Variants in DLG2 observed in about 807,000 individuals in gnomAD.
DLG2 encodes the protein discs large MAGUK scaffold protein 2, also known as disks large homolog 2.
Under a neutral mutation model 132.5 loss-of-function variants are expected in DLG2, and 45 were observed. The ratio of observed to expected loss-of-function variants is 0.34; its 90% confidence interval spans 0.27 to 0.44. The LOEUF (loss-of-function observed/expected upper bound fraction) is 0.44. Among genes scored for constraint, DLG2 ranks in the 20% least tolerant of loss-of-function variants. DLG2 has a pLI of 1.00. For synonymous variants in DLG2, 424 were observed against 419.6 expected, an observed-to-expected ratio of 1.01 and a Z score of -0.13; for missense variants, 1,045 against 1,196.9, an observed-to-expected ratio of 0.87 and a Z score of 1.87.
intron 3 of DLG2, among the ~76,000 whole-genome samples, chr11:85,506,093 A>G (rs2093926023): frequency 6.6e-6 from 1 of 151,856 alleles, no homozygotes; most frequent in Admixed American, 6.6e-5. Context: ...TATTGTGTCT[A>G]TTTGATTTTT....
chr11:84,716,959 C>T (rs1217216174), intron 6 of DLG2, among the ~76,000 whole-genome samples: 1 of 152,010 alleles, frequency 6.6e-6, no homozygotes, highest in African/African-American at 2.4e-5. Context: ...TCCATGTTTA[C>T]AGTCATAAGT....
chr11:85,433,303 T>G (rs1212196466), intron 3 of DLG2, among the ~76,000 whole-genome samples: 1 of 152,168 alleles, frequency 6.6e-6, no homozygotes, highest in Admixed American at 6.5e-5. Context: ...TGGAATCAAA[T>G]TCACATATAA....
At chr11:84,945,665 C>A (rs1370118217) in intron 6 of DLG2, among the ~76,000 whole-genome samples, 7 of 152,174 alleles carry the variant, frequency 4.6e-5, no homozygotes, top group Non-Finnish European at 8.8e-5. Context: ...CTTCCCCCAG[C>A]CTGCCAGCCC....
chr11:84,470,814 A>G (rs2099106524), intron 7 of DLG2, among the ~76,000 whole-genome samples: 1 of 151,810 alleles, frequency 6.6e-6, no homozygotes, highest in Admixed American at 6.6e-5. Flanking sequence ...ATTTTGTGGT[A>G]TGTTGGTGAT....
At chr11:83,860,376 C>T (rs772843914) in intron 16 of DLG2, among the ~76,000 whole-genome samples, 13 of 152,206 alleles carry the variant, frequency 8.5e-5, no homozygotes, top group Non-Finnish European at 1.2e-4. Context: ...CCACCTCTTA[C>T]ATCAGCATGA....
chr11:84,929,537 A>T (rs2047852167), intron 6 of DLG2, among the ~76,000 whole-genome samples: 1 of 152,066 alleles, frequency 6.6e-6, no homozygotes, highest in African/African-American at 2.4e-5. Context: ...AGGTATATTG[A>T]ATTGGCTACA....
intron 3 of DLG2, among the ~76,000 whole-genome samples, chr11:85,399,049 A>G (rs1034239231): frequency 1.3e-5 from 2 of 152,172 alleles, no homozygotes; most frequent in Non-Finnish European, 2.9e-5. Context: ...TCAGCCCAAA[A>G]TCTCCTTAAG....
chr11:83,745,113 G>A lies in DLG2; in HGVS notation c.1825+41577C>T, dbSNP rs183678860. ...CTCATGATTGGTTCCCATGCATCGCGATCAACTCATCTGCTCATCCTGAGG... is the reference window on the plus strand; with the variant it reads ...CTCATGATTGGTTCCCATGCATCGCAATCAACTCATCTGCTCATCCTGAGG... On this transcript the variant is annotated intron_variant, in intron 18 of 27. Coordinates refer to ENST00000376104, the MANE Select transcript of DLG2 (RefSeq NM_001142699.3). 2.0e-5 allele frequency among the ~76,000 whole-genome samples: 3 copies of A among 152,210 alleles called. 1 individual carries two copies. Among genetic ancestry groups the A allele is most frequent in the East Asian group, 1.9e-4 (1 of 5,176 alleles).
chr11:84,709,273 A>C (rs907099167), intron 6 of DLG2, among the ~76,000 whole-genome samples: 2 of 151,970 alleles, frequency 1.3e-5, no homozygotes, highest in African/African-American at 4.8e-5. Context: ...TCTGGTTGAC[A>C]CAGTTAACTC....
intron 6 of DLG2, among the ~76,000 whole-genome samples, chr11:84,944,262 G>T (rs185943172): frequency 2.2e-4 from 33 of 152,196 alleles, no homozygotes; most frequent in Non-Finnish European, 3.8e-4. Flanking sequence ...CTTTAGTATT[G>T]ATATCTTTCT....
At chr11:83,874,162 GATAGAAAGAGAA>G (rs2064063309) in intron 16 of DLG2, among the ~76,000 whole-genome samples, 1 of 77,422 alleles carries the variant, frequency 1.3e-5, no homozygotes, top group African/African-American at 5.8e-5. Flanking sequence ...AAGAAAGAAA[GATAGAAAGAGAA>G]AGAGAGAAAA....
intron 8 of DLG2, among the ~76,000 whole-genome samples, chr11:84,226,193 G>A (rs189491055): frequency 5.3e-5 from 8 of 152,180 alleles, no homozygotes; most frequent in Admixed American, 3.3e-4. Flanking sequence ...ACCAGGGTTC[G>A]CACATTTTTT....
intron 6 of DLG2, among the ~76,000 whole-genome samples, chr11:85,110,000 A>G (rs2072444146): frequency 6.6e-6 from 1 of 152,062 alleles, no homozygotes; most frequent in Non-Finnish European, 1.5e-5. Context: ...AGATTCACAT[A>G]TTGAAACTTA....
At chr11:84,410,800 G>A (rs541112292) in intron 7 of DLG2, among the ~76,000 whole-genome samples, 2 of 151,730 alleles carry the variant, frequency 1.3e-5, no homozygotes, top group African/African-American at 4.8e-5. Context: ...GCCTGGTCTC[G>A]ATCTGCTGAT....
At chr11:83,696,364 G>A (rs976754901) in intron 18 of DLG2, among the ~76,000 whole-genome samples, 1 of 152,164 alleles carries the variant, frequency 6.6e-6, no homozygotes, top group Non-Finnish European at 1.5e-5. Context: ...GTTTCCCAAC[G>A]TGGCAGGTGA....
intron 3 of DLG2, among the ~76,000 whole-genome samples, chr11:85,386,113 C>G (rs1364690965): frequency 6.6e-6 from 1 of 152,058 alleles, no homozygotes; most frequent in Non-Finnish European, 1.5e-5. Flanking sequence ...TTGAATATGT[C>G]TTGGAGGAAA....
chr11:84,648,936 A>C (rs2099678288), intron 6 of DLG2, among the ~76,000 whole-genome samples: 1 of 152,116 alleles, frequency 6.6e-6, no homozygotes, highest in African/African-American at 2.4e-5. Flanking sequence ...CCTTATAACA[A>C]CACAAAGACA....
chr11:84,841,598 T>C (rs1451420602), intron 6 of DLG2, among the ~76,000 whole-genome samples: 1 of 152,034 alleles, frequency 6.6e-6, no homozygotes, highest in Non-Finnish European at 1.5e-5. Flanking sequence ...TAGGCATCCA[T>C]AAATATTTAT....
At chr11:84,660,185 T>C (rs2099693001) in intron 6 of DLG2, among the ~76,000 whole-genome samples, 1 of 152,054 alleles carries the variant, frequency 6.6e-6, no homozygotes, top group African/African-American at 2.4e-5. Flanking sequence ...GACGATCCAA[T>C]GGCAAAAACC....
Sources: allele counts gnomAD v4.1 joint callset (sites outside exome capture counted in the v4.1 genomes callset), GRCh38; gene constraint gnomAD v4.1.1; transcripts MANE v1.5; gene names NCBI Gene and HGNC (gene_info 2026-07-23, HGNC 2026-07-21).